The following SPIDR variants were observed in gnomAD, a reference collection of about 807,000 sequenced individuals.
The protein encoded by SPIDR is DNA repair-scaffolding protein.
A neutral mutation model predicts 104.6 loss-of-function variants in SPIDR; 93 were observed. The observed-to-expected ratio is 0.89, with a 90% CI of 0.75 to 1.06. SPIDR has a LOEUF of 1.06. SPIDR is among the 50% of genes least tolerant of loss of function. SPIDR has a pLI of 0.00. For missense variants in SPIDR, 1,154 were observed against 1,111.2 expected, an observed-to-expected ratio of 1.04 and a Z score of -0.55; for synonymous variants, 431 against 416.9, an observed-to-expected ratio of 1.03 and a Z score of -0.41.
intron 5 of SPIDR, among the ~76,000 whole-genome samples, chr8:47,320,708 G>A (rs1179111475): frequency 3.9e-5 from 6 of 152,082 alleles, no homozygotes; most frequent in Admixed American, 6.6e-5. Flanking sequence ...ATAAAATACT[G>A]GCAAACCAAA....
At chr8:47,575,184 C>T (rs1158292833) in intron 8 of SPIDR, among the ~76,000 whole-genome samples, 1 of 152,142 alleles carries the variant, frequency 6.6e-6, no homozygotes, top group African/African-American at 2.4e-5. Context: ...GCCACTTCAT[C>T]TTTTTGTTTC....
At chr8:47,618,429 G>A (rs1175863036) in intron 10 of SPIDR, among the ~76,000 whole-genome samples, 1 of 152,060 alleles carries the variant, frequency 6.6e-6, no homozygotes, top group Non-Finnish European at 1.5e-5. Context: ...GTGATAGATA[G>A]GTTGCACAGT....
chr8:47,273,413 T>C (rs912911366), intron 1 of SPIDR, among the ~76,000 whole-genome samples: 7 of 152,056 alleles, frequency 4.6e-5, no homozygotes, highest in African/African-American at 1.5e-4. Flanking sequence ...AGGAATTCAA[T>C]AGAAGCACAT....
intron 8 of SPIDR, among the ~76,000 whole-genome samples, chr8:47,579,306 C>G (rs2059464203): frequency 6.6e-6 from 1 of 152,118 alleles, no homozygotes; most frequent in South Asian, 2.1e-4. Context: ...CAAATCCAGT[C>G]AGTCAAAAAG....
At chr8:47,510,919 G>C (rs141423569) in intron 8 of SPIDR, 1 of 555,216 alleles carries the variant, frequency 1.8e-6, no homozygotes, top group Non-Finnish European at 3.2e-6. Context: ...CTGTGGAGGA[G>C]ATGTCACACT....
rs112182686 is a variant in SPIDR, at chr8:47,319,591, G to T, written c.525+25561G>T. On this transcript the variant is annotated intron_variant, in intron 5 of 19. Coordinates refer to ENST00000297423, the MANE Select transcript of SPIDR (RefSeq NM_001080394.4). ...TATTGTACTCAACTCTGCACCAAGC[G>T]GACCTAATAGACATCTACAGAACCC... Among the ~76,000 whole-genome samples the T allele has an allele frequency of 3.8e-3, 578 of 152,178 alleles. 3 individuals are homozygous for T. Among genetic ancestry groups the T allele is most frequent in the South Asian group, 0.022 (108 of 4,800 alleles).
At chr8:47,321,749 A>G (rs772783570) in intron 5 of SPIDR, among the ~76,000 whole-genome samples, 1 of 152,206 alleles carries the variant, frequency 6.6e-6, no homozygotes, top group Non-Finnish European at 1.5e-5. Flanking sequence ...AAACAGAGAT[A>G]TAGAACAATG....
chr8:47,647,667 AGG>A (rs1449073118), intron 10 of SPIDR, among the ~76,000 whole-genome samples: 3 of 149,920 alleles, frequency 2.0e-5, no homozygotes, highest in Non-Finnish European at 4.5e-5. Flanking sequence ...AGAGAGAGAG[AGG>A]GAGAGAGGGA....
At chr8:47,496,438 G>GT (rs1213000807) in intron 8 of SPIDR, among the ~76,000 whole-genome samples, 1 of 152,112 alleles carries the variant, frequency 6.6e-6, no homozygotes, top group Non-Finnish European at 1.5e-5. Flanking sequence ...TGCTTTTTCT[G>GT]TGTCTATTTA....
At chr8:47,378,533 A>G (rs963508155) in intron 5 of SPIDR, among the ~76,000 whole-genome samples, 2 of 152,148 alleles carry the variant, frequency 1.3e-5, no homozygotes, top group Non-Finnish European at 1.5e-5. Flanking sequence ...GGCTTCCATT[A>G]TTTTCTAGAC....
intron 8 of SPIDR, among the ~76,000 whole-genome samples, chr8:47,508,495 G>T (rs2081827160): frequency 6.6e-6 from 1 of 152,170 alleles, no homozygotes; most frequent in Non-Finnish European, 1.5e-5. Flanking sequence ...TGTGATAGGA[G>T]TCACCACCCT....
intron 8 of SPIDR, among the ~76,000 whole-genome samples, chr8:47,446,757 T>G (rs551271491): frequency 9.7e-4 from 147 of 151,994 alleles, no homozygotes; most frequent in Non-Finnish European, 1.8e-3. Flanking sequence ...TGGCTAATTT[T>G]TGTATTTTTA....
intron 1 of SPIDR, among the ~76,000 whole-genome samples, chr8:47,275,304 C>A (rs374044481): frequency 0.015 from 2,253 of 151,944 alleles, 57 homozygotes; most frequent in African/African-American, 0.051. Context: ...TCTATAAAAC[C>A]TATAATCAGC....
rs1402428044 is a variant in SPIDR, at chr8:47,440,519, C to T, written c.1074C>T (p.Asp358=). The T allele has an allele frequency of 6.2e-7, 1 of 1,614,064 alleles. No individual in the cohort carries two copies. Among genetic ancestry groups the T allele is most frequent in the African/African-American group, 1.3e-5 (1 of 74,946 alleles). ...GCTACCTCAGGGGCCGTCCCCAGGACACTGTCCGGATCTTCCCTCCCTGGT... is the reference window on the plus strand; with the variant it reads ...GCTACCTCAGGGGCCGTCCCCAGGATACTGTCCGGATCTTCCCTCCCTGGT... ...TAGYLRGRPQ[D]TVRIFPPWQK... Residue 358 remains aspartate, a synonymous_variant, in exon 8 of 20, where the codon GAC becomes GAT. Coordinates refer to ENST00000297423, the MANE Select transcript of SPIDR (RefSeq NM_001080394.4).
chr8:47,528,308 T>A lies in SPIDR; in HGVS notation c.1098-67503T>A, dbSNP rs140476758. Among the ~76,000 whole-genome samples, 26 of 152,248 alleles carry A rather than the reference T, an allele frequency of 1.7e-4. 1 individual carries two copies. Among genetic ancestry groups the A allele is most frequent in the African/African-American group, 6.0e-4 (25 of 41,554 alleles). On this transcript the variant is annotated intron_variant, in intron 8 of 19. Transcript: ENST00000297423. The stretch of plus-strand genomic sequence containing the variant: ...TGTAAAATGGGAAAGATAAAAAATA[T>A]TGAAAAGTGAAGTTTTAAAACCTTA...
chr8:47,298,833 A>G (rs2041434222), intron 5 of SPIDR, among the ~76,000 whole-genome samples: 1 of 152,186 alleles, frequency 6.6e-6, no homozygotes. Flanking sequence ...TGGTACCAGT[A>G]CCATGGTGTT....
intron 5 of SPIDR, among the ~76,000 whole-genome samples, chr8:47,354,545 C>G (rs376149606): frequency 6.6e-6 from 1 of 152,086 alleles, no homozygotes; most frequent in Non-Finnish European, 1.5e-5. Context: ...GCTTACAAGA[C>G]GTTCAGATGC....
chr8:47,371,667 C>A (rs1193135575), intron 5 of SPIDR, among the ~76,000 whole-genome samples: 1 of 152,164 alleles, frequency 6.6e-6, no homozygotes, highest in African/African-American at 2.4e-5. Flanking sequence ...GAGACACATT[C>A]AGTGTAATGG....
Position 47,701,796 on chromosome 8 carries a change from A to G in SPIDR, c.1849A>G (p.Ile617Val), listed in dbSNP as rs891262268. 2 of 1,614,126 alleles carry G rather than the reference A, an allele frequency of 1.2e-6. No homozygotes were observed. Among genetic ancestry groups the G allele is most frequent in the East Asian group, 2.2e-5 (1 of 44,878 alleles). ...TCCAAATCTGGGACAAATTGATATA[A>G]TTGACGAAGACCCCATTTATAAGCT... is the stretch of plus-strand genomic sequence containing the variant. ...AHPNLGQIDI[I>V]DEDPIYKLYQ... is the part of the protein sequence containing the mutation. Residue 617 changes from isoleucine to valine, a missense_variant, in exon 13 of 20, where the codon ATT becomes GTT. Coordinates refer to ENST00000297423, the MANE Select transcript of SPIDR (RefSeq NM_001080394.4).
Sources: gnomAD v4.1 joint callset for allele counts (sites outside exome capture counted in the v4.1 genomes callset) on GRCh38, gnomAD v4.1.1 for gene constraint, MANE v1.5 for transcripts, NCBI Gene and HGNC (gene_info 2026-07-23, HGNC 2026-07-21) for gene names.